Variants in SNTG2 observed in about 807,000 individuals in gnomAD.
The protein encoded by SNTG2 is gamma-2-syntrophin.
SNTG2 carries 74 observed loss-of-function variants against 70.9 expected under a neutral mutation model. The ratio of observed to expected loss-of-function variants is 1.04; its 90% CI spans 0.86 to 1.27. The LOEUF (loss-of-function observed/expected upper bound fraction) is 1.27, where lower values mean the gene tolerates loss of function less well. Among genes scored for constraint, SNTG2 ranks in the 50% most tolerant of loss-of-function variants. SNTG2 has a pLI of 0.00. For synonymous variants in SNTG2, 278 were observed against 273.8 expected (o/e 1.02, Z -0.15); for missense variants, 717 against 690.7 (o/e 1.04, Z -0.43).
intron 8 of SNTG2, among the ~76,000 whole-genome samples, chr2:1,175,927 G>GCCTGGTTCT (rs1192478995): frequency 2.0e-5 from 3 of 152,212 alleles, no homozygotes; most frequent in African/African-American, 4.8e-5. Context: ...AAGGGAGGCT[G>GCCTGGTTCT]CCTGGTTCTC....
rs55953201 is a variant in SNTG2, at chr2:1,247,316, C to T, written c.889-11C>T. The T allele has an allele frequency of 0.27, 423,509 of 1,580,166 alleles. 60,505 individuals are homozygous for T. The highest frequency in any genetic ancestry group is 0.46 in the African/African-American group (34,029 of 74,220). ...ATTAAGGCTTGGTTTGTAATTTTCA[C>T]CCCTCTGCAGGTTGTGCATATGGGG... On this transcript the variant is annotated splice_polypyrimidine_tract_variant and intron_variant, in intron 11 of 16. Transcript: ENST00000308624.
intron 1 of SNTG2, among the ~76,000 whole-genome samples, chr2:1,040,832 T>C (rs1347195184): frequency 6.6e-6 from 1 of 152,184 alleles, no homozygotes; most frequent in Non-Finnish European, 1.5e-5. Flanking sequence ...ACGTTTGATA[T>C]TAATTATGCT....
intron 14 of SNTG2, among the ~76,000 whole-genome samples, chr2:1,291,148 T>C (rs1042383992): frequency 6.6e-6 from 1 of 152,204 alleles, no homozygotes; most frequent in African/African-American, 2.4e-5. Context: ...CATTGATATA[T>C]CTTCTTGGAG....
At chr2:1,256,345 T>C (rs1678121473) in intron 12 of SNTG2, 1 of 152,162 alleles carries the variant, frequency 6.6e-6, no homozygotes, top group Non-Finnish European at 1.5e-5. Context: ...CAGAGAGGGT[T>C]TTGACTAGCT....
chr2:1,009,075 A>G (rs1342137499), intron 1 of SNTG2, among the ~76,000 whole-genome samples: 2 of 152,264 alleles, frequency 1.3e-5, no homozygotes, highest in Non-Finnish European at 1.5e-5. Flanking sequence ...CCTGGTATCA[A>G]AATCCCTAAA....
At chr2:1,316,203 G>T in intron 15 of SNTG2, 62 bp from the exon 16 acceptor site, 2 of 767,908 alleles carry the variant, frequency 2.6e-6, no homozygotes, top group Non-Finnish European at 4.3e-6. Flanking sequence ...TGTAGTAACA[G>T]ATGCTAATTA....
intron 4 of SNTG2, among the ~76,000 whole-genome samples, chr2:1,125,165 CT>C (rs1667623039): frequency 6.6e-6 from 1 of 152,052 alleles, no homozygotes. Context: ...TTAAATAAAA[CT>C]TTTTATTTAA....
intron 9 of SNTG2, among the ~76,000 whole-genome samples, chr2:1,227,855 G>A (rs1675897317): frequency 6.6e-6 from 1 of 152,304 alleles, no homozygotes; most frequent in Non-Finnish European, 1.5e-5. Context: ...GGGTGTAAGC[G>A]AGGGCACTTT....
intron 1 of SNTG2, 25 bp from the exon 2 acceptor site, chr2:1,083,493 T>G: frequency 6.2e-7 from 1 of 1,612,796 alleles, no homozygotes; most frequent in Non-Finnish European, 8.5e-7. Context: ...CACCATTTTT[T>G]TGTGTTTCCA....
At position 1,317,857 on chromosome 2, in the gene SNTG2, G is replaced by A. The variant is rs952218550; in HGVS notation, c.1488+1482G>A. ...ATAGGATGTTTCCTGTTAGAGAGAC[G>A]TTTATATCCTAAAATGGTGACCATT... is the stretch of plus-strand genomic sequence containing the variant. On this transcript the variant is annotated intron_variant, in intron 16 of 16. Coordinates refer to ENST00000308624, the MANE Select transcript of SNTG2 (RefSeq NM_018968.4). 5.3e-5 allele frequency among the ~76,000 whole-genome samples: 8 copies of A among 152,172 alleles called. 1 individual carries two copies. The highest frequency in any genetic ancestry group is 1.9e-4 in the African/African-American group (8 of 41,430).
Position 990,278 on chromosome 2 carries a change from G to A in SNTG2, c.72+39210G>A, listed in dbSNP as rs947688241. On this transcript the variant is annotated intron_variant, in intron 1 of 16. Transcript: ENST00000308624. ...AGGCCTTGCTGTGTACTTTGCAGGTGCTAATCAGAGGAGGAGCTCCACCAG... is the reference window on the plus strand; with the variant it reads ...AGGCCTTGCTGTGTACTTTGCAGGTACTAATCAGAGGAGGAGCTCCACCAG... 5.3e-5 allele frequency among the ~76,000 whole-genome samples: 8 copies of A among 152,186 alleles called. 1 individual carries two copies. The highest frequency in any genetic ancestry group is 2.0e-4 in the Admixed American group (3 of 15,284).
intron 4 of SNTG2, among the ~76,000 whole-genome samples, chr2:1,135,127 A>G (rs997021633): frequency 2.0e-5 from 3 of 152,128 alleles, no homozygotes; most frequent in Non-Finnish European, 4.4e-5. Flanking sequence ...GCTTCTGACC[A>G]ACTCTAGAGC....
At chr2:1,121,193 A>G (rs111606851) in intron 4 of SNTG2, among the ~76,000 whole-genome samples, 119 of 152,266 alleles carry the variant, frequency 7.8e-4, no homozygotes, top group African/African-American at 2.7e-3. Context: ...TTTGAAAACT[A>G]TCTATCTTGA....
At chr2:1,074,976 G>T (rs891464061) in intron 1 of SNTG2, among the ~76,000 whole-genome samples, 2 of 152,108 alleles carry the variant, frequency 1.3e-5, no homozygotes, top group Non-Finnish European at 2.9e-5. Flanking sequence ...GTTGGTCCAA[G>T]AATCAGATTT....
At chr2:1,112,026 T>G (rs1572459735) in intron 4 of SNTG2, among the ~76,000 whole-genome samples, 1 of 146,266 alleles carries the variant, frequency 6.8e-6, no homozygotes, top group South Asian at 2.1e-4. Context: ...TTGAGAAGGA[T>G]CGTGTGTACT....
chr2:1,364,736 C>G (rs1227601015), intron 16 of SNTG2, among the ~76,000 whole-genome samples: 1 of 20,034 alleles, frequency 5.0e-5, no homozygotes, highest in East Asian at 2.2e-3. Context: ...ACTAAAAATA[C>G]CAAAAAAAAA....
chr2:1,218,676 A>G (rs1231567082), intron 9 of SNTG2, among the ~76,000 whole-genome samples: 1 of 152,218 alleles, frequency 6.6e-6, no homozygotes, highest in African/African-American at 2.4e-5. Context: ...AGGCTCAGAA[A>G]AGAGGAAGAG....
chr2:1,362,617 C>T (rs1266029822), intron 16 of SNTG2, among the ~76,000 whole-genome samples: 12 of 150,486 alleles, frequency 8.0e-5, no homozygotes, highest in African/African-American at 2.4e-4. Context: ...TGAAGGTCAC[C>T]GACACTGAGC....
intron 1 of SNTG2, among the ~76,000 whole-genome samples, chr2:1,044,867 C>T (rs184541174): frequency 3.4e-4 from 51 of 151,774 alleles, no homozygotes; most frequent in Admixed American, 2.0e-3. Context: ...TTTGATGTGT[C>T]GCTGAGAGGT....
Sources: allele counts gnomAD v4.1 joint callset (sites outside exome capture counted in the v4.1 genomes callset), GRCh38; gene constraint gnomAD v4.1.1; transcripts MANE v1.5; gene names NCBI Gene and HGNC (gene_info 2026-07-23, HGNC 2026-07-21).